Variants in SHANK2 observed in about 807,000 individuals in gnomAD.
SHANK2 encodes the protein SH3 and multiple ankyrin repeat domains protein 2.
In SHANK2, 43 loss-of-function variants were observed where a neutral mutation model predicts 133.7. The ratio of observed to expected loss-of-function variants is 0.32; its 90% confidence interval spans 0.25 to 0.41. The LOEUF (loss-of-function observed/expected upper bound fraction) is 0.41, where lower values mean the gene tolerates loss of function less well. Ranked by LOEUF, SHANK2 falls within the 10% of genes least tolerant of loss-of-function variation. The pLI is 1.00. For missense variants in SHANK2, 1,994 were observed against 2,235.8 expected (o/e 0.89, Z 2.18); for synonymous variants, 1,017 against 952.8 (o/e 1.07, Z -1.24).
At chr11:70,854,523 G>A (rs781843512) in intron 11 of SHANK2, among the ~76,000 whole-genome samples, 9 of 152,206 alleles carry the variant, frequency 5.9e-5, no homozygotes, top group African/African-American at 9.7e-5. Context: ...CCAACTGAGC[G>A]CATGCATGGC....
At chr11:70,916,999 A>T (rs1195483224) in intron 10 of SHANK2, among the ~76,000 whole-genome samples, 1 of 152,224 alleles carries the variant, frequency 6.6e-6, no homozygotes, top group Non-Finnish European at 1.5e-5. Context: ...TTATTAGGAC[A>T]CAGAAAATGA....
chr11:71,083,197 T>C (rs1448582646), intron 8 of SHANK2, among the ~76,000 whole-genome samples: 1 of 152,148 alleles, frequency 6.6e-6, no homozygotes, highest in African/African-American at 2.4e-5. Context: ...TGCCTCAGCC[T>C]CCCAAACTGC....
chr11:70,938,263 G>A (rs79844459), intron 10 of SHANK2, among the ~76,000 whole-genome samples: 9,964 of 152,152 alleles, frequency 0.065, 703 homozygotes, highest in African/African-American at 0.17. Context: ...GGTGTCCTGG[G>A]CACAACTTTA....
intron 2 of SHANK2, among the ~76,000 whole-genome samples, chr11:71,168,367 C>T (rs2135497783): frequency 6.7e-6 from 1 of 149,542 alleles, no homozygotes; most frequent in South Asian, 2.2e-4. Flanking sequence ...AGGGGCTCCT[C>T]ACATCCCAGA....
At chr11:70,902,778 G>A (rs1457568572) in intron 10 of SHANK2, among the ~76,000 whole-genome samples, 2 of 152,164 alleles carry the variant, frequency 1.3e-5, no homozygotes, top group African/African-American at 2.4e-5. Context: ...AAAGCCCCCT[G>A]CAAGAGTTGG....
intron 17 of SHANK2, among the ~76,000 whole-genome samples, chr11:70,602,287 C>T (rs1225106094): frequency 6.6e-6 from 1 of 152,220 alleles, no homozygotes; most frequent in Non-Finnish European, 1.5e-5. Flanking sequence ...TTATAAATTA[C>T]CCAGTCATAG....
At chr11:70,912,004 C>A (rs1950197847) in intron 10 of SHANK2, among the ~76,000 whole-genome samples, 1 of 141,860 alleles carries the variant, frequency 7.0e-6, no homozygotes, top group African/African-American at 2.6e-5. Context: ...ATTGCTTGAA[C>A]CTGGGAGGCA....
rs1456954218 is a variant in SHANK2, at chr11:70,659,778, A to G, written c.2061+50T>C. 4.3e-6 allele frequency: 7 copies of G among 1,612,748 alleles called. No individual in the cohort carries two copies. The African/African-American group carries it at 9.4e-5, about 22-fold the overall frequency. On this transcript the variant is annotated intron_variant, in intron 17 of 25. Coordinates refer to ENST00000601538, the MANE Select transcript of SHANK2 (RefSeq NM_012309.5). Reference sequence around the variant, plus strand: ...TGCCAGGACTACGACCCTCTCCCCGAGAGTCGGCGCTCTCCCCAAGCAGAA... The same window carrying G: ...TGCCAGGACTACGACCCTCTCCCCGGGAGTCGGCGCTCTCCCCAAGCAGAA...
chr11:71,222,638 A>G (rs1374505486), intron 2 of SHANK2, among the ~76,000 whole-genome samples: 12 of 152,198 alleles, frequency 7.9e-5, no homozygotes, highest in African/African-American at 2.9e-4. Flanking sequence ...CCCCAAGTCC[A>G]AGCTCCGAGG....
intron 2 of SHANK2, among the ~76,000 whole-genome samples, chr11:71,221,550 A>G (rs1954541984): frequency 6.6e-6 from 1 of 152,262 alleles, no homozygotes; most frequent in Admixed American, 6.5e-5. Context: ...AGTGGAAAAT[A>G]TAATTTGAGA....
intron 1 of SHANK2, among the ~76,000 whole-genome samples, chr11:71,233,587 C>T (rs184287922): frequency 1.1e-3 from 175 of 152,322 alleles, no homozygotes; most frequent in Non-Finnish European, 2.1e-3. Flanking sequence ...CTAAAAAACA[C>T]GGCACTGCAG....
intron 17 of SHANK2, among the ~76,000 whole-genome samples, chr11:70,609,520 A>G (rs1257501372): frequency 2.0e-5 from 3 of 152,188 alleles, no homozygotes; most frequent in Non-Finnish European, 4.4e-5. Context: ...GAGCAGCCCC[A>G]TCCGTGATGG....
intron 5 of SHANK2, among the ~76,000 whole-genome samples, chr11:71,112,953 C>T (rs564648150): frequency 6.6e-6 from 1 of 152,212 alleles, no homozygotes; most frequent in Non-Finnish European, 1.5e-5. Flanking sequence ...AACACTAATA[C>T]GGGGCTCACT....
At chr11:71,199,484 C>T (rs1054398793) in intron 2 of SHANK2, among the ~76,000 whole-genome samples, 12 of 152,360 alleles carry the variant, frequency 7.9e-5, no homozygotes, top group Non-Finnish European at 1.2e-4. Flanking sequence ...GTTGCAGTCA[C>T]GCCCCAGGAA....
chr11:71,120,691 C>T (rs1235294694), intron 3 of SHANK2, among the ~76,000 whole-genome samples: 4 of 152,140 alleles, frequency 2.6e-5, no homozygotes, highest in Admixed American at 6.5e-5. Context: ...TTTCCAGACC[C>T]GCACCCTCCC....
chr11:71,111,996 C>T (rs1348631243), intron 5 of SHANK2, among the ~76,000 whole-genome samples: 3 of 152,110 alleles, frequency 2.0e-5, no homozygotes, highest in East Asian at 3.8e-4. Context: ...GGTGGGGATG[C>T]ACCACATGGC....
chr11:70,900,300 G>A (rs1258319696), intron 10 of SHANK2, among the ~76,000 whole-genome samples: 3 of 151,994 alleles, frequency 2.0e-5, no homozygotes, highest in Admixed American at 2.0e-4. Flanking sequence ...ACTGCAGTGA[G>A]CCAAGATCGT....
chr11:70,738,866 C>G (rs1172761089), intron 14 of SHANK2, among the ~76,000 whole-genome samples: 1 of 152,184 alleles, frequency 6.6e-6, no homozygotes, highest in Non-Finnish European at 1.5e-5. Flanking sequence ...CTGCCACCAG[C>G]CTGCCCAGGC....
At chr11:70,893,701 A>G (rs548862479) in intron 11 of SHANK2, among the ~76,000 whole-genome samples, 1 of 152,356 alleles carries the variant, frequency 6.6e-6, no homozygotes, top group South Asian at 2.1e-4. Context: ...CGCATGGGCA[A>G]GTATAGATTT....
Sources: allele counts gnomAD v4.1 joint callset (sites outside exome capture counted in the v4.1 genomes callset), GRCh38; gene constraint gnomAD v4.1.1; transcripts MANE v1.5; gene names NCBI Gene and HGNC (gene_info 2026-07-23, HGNC 2026-07-21).